Variants in TSBP1 observed in about 807,000 individuals in gnomAD.
TSBP1 encodes testis-expressed basic protein 1.
In TSBP1, 56 loss-of-function variants were observed where a neutral mutation model predicts 68.8. That is an observed-to-expected ratio of 0.81 (90% confidence interval 0.66 to 1.02). The LOEUF (loss-of-function observed/expected upper bound fraction) is 1.02. Among genes scored for constraint, TSBP1 ranks in the 50% least tolerant of loss-of-function variants. TSBP1 has a pLI of 0.00. For missense variants in TSBP1, 502 were observed against 641.2 expected, an observed-to-expected ratio of 0.78 and a Z score of 2.34; for synonymous variants, 171 against 208.7, an observed-to-expected ratio of 0.82 and a Z score of 1.56.
At chr6:32,367,705 AAATG>A (rs1773913951) in intron 4 of TSBP1, among the ~76,000 whole-genome samples, 2 of 152,204 alleles carry the variant, frequency 1.3e-5, no homozygotes, top group South Asian at 4.1e-4. Flanking sequence ...CAGAAGATGG[AAATG>A]AATTCTTTTG....
At position 32,316,292 on chromosome 6, in the gene TSBP1, A is replaced by T; in HGVS notation, c.560-500T>A. ...TCTGTAATATAGACCATGTAGGGTA[A>T]TAAGGAAGCAAGGGAATAATGGGAA... is the stretch of plus-strand genomic sequence containing the variant. On this transcript the variant is annotated intron_variant, in intron 18 of 22. Transcript: ENST00000612031. This position sits in a 1 kb window ranked among gnomAD's most constrained non-coding sequence, Gnocchi z 4.5. The T allele has an allele frequency of 1.1e-6, 1 of 889,744 alleles. No homozygotes were observed. The highest frequency in any genetic ancestry group is 2.6e-5 in the East Asian group (1 of 38,206). 55.1% of individuals were successfully genotyped at this position (889,744 alleles called of 1,614,324 possible).
rs1017391601 is a variant in TSBP1, at chr6:32,340,189, C to A, written c.350-551G>T. The stretch of plus-strand genomic sequence containing the variant: ...CCCTATCTTCTTGTGTACCTTAGTA[C>A]CTTAATTATGTCATTTTAATCTCTG... On this transcript the variant is annotated intron_variant, in intron 9 of 22. Coordinates refer to ENST00000612031, the Ensembl canonical transcript of TSBP1. This position sits in a 1 kb window ranked among gnomAD's most constrained non-coding sequence, Gnocchi z 4.8. Among the ~76,000 whole-genome samples the A allele has an allele frequency of 6.6e-6, 1 of 151,930 alleles. No homozygotes were observed. Among genetic ancestry groups the A allele is most frequent in the Non-Finnish European group, 1.5e-5 (1 of 67,968 alleles).
chr6:32,325,918 G>C lies in TSBP1; in HGVS notation c.515-2304C>G, dbSNP rs1289962581. ...TGGCTTTGGTGGCAGCTGTGGTGGT[G>C]GTGGATATGGTGGCAGTGAGGATGG... On this transcript the variant is annotated intron_variant, in intron 16 of 22. Coordinates refer to ENST00000612031, the Ensembl canonical transcript of TSBP1. This position sits in a 1 kb window ranked among gnomAD's most constrained non-coding sequence, Gnocchi z 4.4. 52 of 1,553,520 alleles carry C rather than the reference G, an allele frequency of 3.3e-5. No homozygotes were observed. Among genetic ancestry groups the C allele is most frequent in the Non-Finnish European group, 4.2e-5 (48 of 1,139,980 alleles).
intron 6 of TSBP1, among the ~76,000 whole-genome samples, 165 bp from the exon 7 acceptor site, chr6:32,355,834 A>T (rs187299695): frequency 1.3e-5 from 2 of 152,216 alleles, no homozygotes; most frequent in Admixed American, 1.3e-4. Context: ...TAATGACATT[A>T]AAAAAACAGG....
At position 32,316,395 on chromosome 6, in the gene TSBP1, T is replaced by G; in HGVS notation, c.560-603A>C. The G allele has an allele frequency of 1.9e-6, 3 of 1,568,618 alleles. No homozygotes were observed. The highest frequency in any genetic ancestry group is 2.6e-6 in the Non-Finnish European group (3 of 1,154,938). ...TAGAAAAAGACATGTAATACTTACT[T>G]ATAGGTGCTGCCAGCTGACCTAAAA... On this transcript the variant is annotated intron_variant, in intron 18 of 22. Coordinates refer to ENST00000612031, the Ensembl canonical transcript of TSBP1. This position sits in a 1 kb window ranked among gnomAD's most constrained non-coding sequence, Gnocchi z 4.5.
At chr6:32,370,466 A>C (rs1373874103) in intron 1 of TSBP1, among the ~76,000 whole-genome samples, 1 of 149,230 alleles carries the variant, frequency 6.7e-6, no homozygotes, top group Non-Finnish European at 1.5e-5. Flanking sequence ...AGATTTATAA[A>C]TATACTTTTA....
At chr6:32,327,654 C>CTTTTATTTTCTTTCTTT (rs70993815) in intron 16 of TSBP1, among the ~76,000 whole-genome samples, 2 of 146,994 alleles carry the variant, frequency 1.4e-5, no homozygotes, top group Non-Finnish European at 3.0e-5. Context: ...TTTTCTTTTT[C>CTTTTATTTTCTTTCTTT]TTTTTTTTTT....
chr6:32,307,206 A>G (rs1437317283), intron 19 of TSBP1, among the ~76,000 whole-genome samples: 8 of 152,016 alleles, frequency 5.3e-5, no homozygotes, highest in Non-Finnish European at 1.5e-5. Context: ...TACCATAATA[A>G]TTTCTCTCTA....
rs1022118670 is a variant in TSBP1 at position 32,333,070 on chromosome 6, A to G, written c.473-1016T>C. On this transcript the variant is annotated intron_variant, in intron 14 of 22. Coordinates refer to ENST00000612031, the Ensembl canonical transcript of TSBP1. This position sits in a 1 kb window ranked among gnomAD's most constrained non-coding sequence, Gnocchi z 4.2. ...GTCGCCCAGGCTGGAATGCAGTGGC[A>G]TGATCTCGGCTCACTGCAACCTCTG... Among the ~76,000 whole-genome samples the G allele has an allele frequency of 6.6e-6, 1 of 151,582 alleles. No individual in the cohort carries two copies.
chr6:32,300,044 G>T (rs1006763370), intron 21 of TSBP1, 108 bp from the exon 25 acceptor site: 2 of 848,928 alleles, frequency 2.4e-6, no homozygotes, highest in Admixed American at 1.8e-5. Context: ...GACTTGGAGG[G>T]AGCACAAAAC....
chr6:32,323,481 G>A, intron 17 of TSBP1, 110 bp downstream of exon 18: 1 of 1,010,340 alleles, frequency 9.9e-7, no homozygotes. Context: ...CTTTGAGTCA[G>A]GTAGCTGCAC....
At chr6:32,301,695 G>C (rs1348242054) in intron 20 of TSBP1, among the ~76,000 whole-genome samples, 1 of 133,582 alleles carries the variant, frequency 7.5e-6, no homozygotes, top group Non-Finnish European at 1.6e-5. Flanking sequence ...GCCTGGGTGA[G>C]TGAAACGCTG....
chr6:32,293,334 C>T, exon 23 of TSBP1: 7 of 1,612,880 alleles, frequency 4.3e-6, no homozygotes, highest in Non-Finnish European at 5.9e-6. Flanking sequence ...ACACCTGCCT[C>T]ACTCTTCTTT....
chr6:32,359,944 A>G (rs1276086936), intron 6 of TSBP1, among the ~76,000 whole-genome samples: 5 of 152,024 alleles, frequency 3.3e-5, no homozygotes, highest in African/African-American at 9.7e-5. Flanking sequence ...AAGGTATTAC[A>G]GTGTGCGATT....
At chr6:32,368,918 G>T (rs1055577032) in intron 2 of TSBP1, 104 bp from the exon 3 acceptor site, 5 of 1,360,018 alleles carry the variant, frequency 3.7e-6, no homozygotes, top group Non-Finnish European at 5.0e-6. Context: ...GCTTACCAAG[G>T]TGGTCCTCCT....
intron 6 of TSBP1, among the ~76,000 whole-genome samples, chr6:32,362,155 G>A (rs1773109105): frequency 6.6e-6 from 1 of 152,040 alleles, no homozygotes; most frequent in East Asian, 1.9e-4. Context: ...CGGGCGTAGT[G>A]GCAGGCGCCT....
intron 9 of TSBP1, among the ~76,000 whole-genome samples, chr6:32,339,998 G>A (rs1044492924): frequency 6.6e-6 from 1 of 152,182 alleles, no homozygotes; most frequent in African/African-American, 2.4e-5. Context: ...CTTCGGCAAA[G>A]TAGTAAGCTA....
intron 6 of TSBP1, among the ~76,000 whole-genome samples, chr6:32,362,237 C>T (rs924592583): frequency 1.4e-5 from 2 of 147,088 alleles, no homozygotes; most frequent in African/African-American, 5.1e-5. Context: ...TGCAGTGAGC[C>T]GAGATCGCGC....
In TSBP1 at chr6:32,335,951, G is replaced by A; in HGVS notation, c.431-19C>T. 3 of 1,604,662 alleles carry A rather than the reference G, an allele frequency of 1.9e-6. No homozygotes were observed. Among genetic ancestry groups the A allele is most frequent in the Non-Finnish European group, 2.6e-6 (3 of 1,174,912 alleles). ...GCTCCGGCTGTGAGAGAGAAAGAGG[G>A]AGAAAGAAAAAGATATCAGTATGCT... On this transcript the variant is annotated intron_variant, in intron 12 of 22. Transcript: ENST00000612031. The surrounding 1 kb of genome is among the most constrained non-coding windows in gnomAD (Gnocchi z 5.5).
Sources: gnomAD v4.1 joint callset for allele counts (sites outside exome capture counted in the v4.1 genomes callset) on GRCh38, gnomAD v4.1.1 for gene constraint, Gnocchi (gnomAD v3.1) non-coding constraint, MANE v1.5 for transcripts, NCBI Gene and HGNC (gene_info 2026-07-23, HGNC 2026-07-21) for gene names.